Variants in LRFN5 observed in about 807,000 individuals in gnomAD.
LRFN5 encodes the protein leucine rich repeat and fibronectin type III domain containing 5, also known as leucine-rich repeat and fibronectin type-III domain-containing protein 5.
Under a neutral mutation model 45.6 loss-of-function variants are expected in LRFN5, and 24 were observed. The ratio of observed to expected loss-of-function variants is 0.53; its 90% confidence interval spans 0.38 to 0.74. The LOEUF (loss-of-function observed/expected upper bound fraction) is 0.74, where lower values mean the gene tolerates loss of function less well. LRFN5 is among the 30% of genes least tolerant of loss of function. The pLI is 0.00. For missense variants in LRFN5, 776 were observed against 861.5 expected (o/e 0.90, Z 1.24); for synonymous variants, 340 against 313.8 (o/e 1.08, Z -0.88).
At chr14:41,762,321 G>T (rs1594686039) in intron 1 of LRFN5, among the ~76,000 whole-genome samples, 1 of 152,000 alleles carries the variant, frequency 6.6e-6, no homozygotes, top group Non-Finnish European at 1.5e-5. Context: ...ATGATTAGTT[G>T]TTCTCGTTTA....
chr14:41,614,689 T>C (rs1377179852), intron 1 of LRFN5, among the ~76,000 whole-genome samples: 7 of 152,084 alleles, frequency 4.6e-5, no homozygotes, highest in Admixed American at 4.6e-4. Flanking sequence ...CACAGCCCTG[T>C]ATAACCTTGA....
intron 1 of LRFN5, among the ~76,000 whole-genome samples, chr14:41,640,591 T>G (rs943514662): frequency 7.2e-5 from 11 of 152,132 alleles, no homozygotes; most frequent in African/African-American, 2.4e-4. Context: ...TCATAAAAAA[T>G]TAAATGTCCT....
intron 1 of LRFN5, among the ~76,000 whole-genome samples, chr14:41,734,185 T>A (rs1055348081): frequency 2.8e-5 from 4 of 145,328 alleles, no homozygotes; most frequent in Non-Finnish European, 4.5e-5. Flanking sequence ...ACCAATTTTG[T>A]ATTTTTAGTA....
intron 1 of LRFN5, among the ~76,000 whole-genome samples, chr14:41,669,997 TAAA>T (rs911199235): frequency 6.7e-6 from 1 of 149,712 alleles, no homozygotes; most frequent in South Asian, 2.1e-4. Flanking sequence ...AAAATATAGT[TAAA>T]AAAATTTGCT....
chr14:41,667,358 T>C (rs1157296126), intron 1 of LRFN5, among the ~76,000 whole-genome samples: 1 of 152,144 alleles, frequency 6.6e-6, no homozygotes, highest in African/African-American at 2.4e-5. Flanking sequence ...GCAAGGAGGA[T>C]TTCTGATAAA....
chr14:41,657,521 T>C (rs1214215834), intron 1 of LRFN5, among the ~76,000 whole-genome samples: 2 of 151,950 alleles, frequency 1.3e-5, no homozygotes, highest in East Asian at 3.9e-4. Flanking sequence ...TTATTGCATT[T>C]GATAGGAAGC....
At chr14:41,789,484 T>A (rs1454247534) in intron 2 of LRFN5, among the ~76,000 whole-genome samples, 1 of 151,980 alleles carries the variant, frequency 6.6e-6, no homozygotes, top group Non-Finnish European at 1.5e-5. Flanking sequence ...TAAATGTCAG[T>A]CATTTTGAGG....
At chr14:41,639,526 T>G (rs1279072796) in intron 1 of LRFN5, among the ~76,000 whole-genome samples, 1 of 152,112 alleles carries the variant, frequency 6.6e-6, no homozygotes, top group Admixed American at 6.6e-5. Context: ...GTCCTTAGTT[T>G]GTTCATTTAT....
intron 1 of LRFN5, among the ~76,000 whole-genome samples, chr14:41,696,697 G>A (rs926697219): frequency 6.6e-6 from 1 of 151,868 alleles, no homozygotes; most frequent in African/African-American, 2.4e-5. Flanking sequence ...CAGTGTACAA[G>A]GAGTCCATTT....
chr14:41,689,073 C>A (rs1456032606), intron 1 of LRFN5, among the ~76,000 whole-genome samples: 3 of 151,628 alleles, frequency 2.0e-5, no homozygotes, highest in African/African-American at 7.3e-5. Context: ...GCAGTTTGGG[C>A]AACAGAGTGA....
intron 2 of LRFN5, among the ~76,000 whole-genome samples, chr14:41,831,327 A>G (rs1338231404): frequency 6.6e-6 from 1 of 152,220 alleles, no homozygotes; most frequent in Non-Finnish European, 1.5e-5. Context: ...GAATAGGAGA[A>G]TGAGTAAAGT....
At chr14:41,693,524 A>G (rs144965203) in intron 1 of LRFN5, among the ~76,000 whole-genome samples, 1,680 of 151,928 alleles carry the variant, frequency 0.011, 17 homozygotes, top group Non-Finnish European at 0.017. Flanking sequence ...GTGGTTTTGT[A>G]TATATTTTAT....
At chr14:41,784,326 A>G (rs1886640745) in intron 2 of LRFN5, among the ~76,000 whole-genome samples, 1 of 152,088 alleles carries the variant, frequency 6.6e-6, no homozygotes, top group Admixed American at 6.5e-5. Flanking sequence ...AATAGTGCCA[A>G]TCCTCCAACA....
intron 1 of LRFN5, among the ~76,000 whole-genome samples, chr14:41,640,332 G>A (rs1393013497): frequency 6.6e-6 from 1 of 152,182 alleles, no homozygotes; most frequent in South Asian, 2.1e-4. Context: ...GTGGGGATAA[G>A]TTATTGCTAG....
intron 3 of LRFN5, among the ~76,000 whole-genome samples, chr14:41,889,011 ATGTGTGTG>A (rs1555329984): frequency 1.0e-4 from 15 of 148,592 alleles, no homozygotes; most frequent in Non-Finnish European, 1.6e-4. Context: ...ACATATATAT[ATGTGTGTG>A]TATATATACA....
chr14:41,717,474 C>G (rs977645980), intron 1 of LRFN5, among the ~76,000 whole-genome samples: 1 of 152,154 alleles, frequency 6.6e-6, no homozygotes, highest in Admixed American at 6.6e-5. Context: ...AAGCACCAGC[C>G]TTAGAGTAAA....
At chr14:41,898,625 G>C (rs1364860167) in intron 4 of LRFN5, among the ~76,000 whole-genome samples, 1 of 151,900 alleles carries the variant, frequency 6.6e-6, no homozygotes, top group East Asian at 1.9e-4. Flanking sequence ...ATTGAACTCT[G>C]TCACGAATAC....
chr14:41,775,057 A>G (rs541021374), intron 2 of LRFN5, among the ~76,000 whole-genome samples: 8 of 151,148 alleles, frequency 5.3e-5, no homozygotes, highest in South Asian at 2.1e-4. Flanking sequence ...AGATTTGACA[A>G]TTGAGGTGAA....
At chr14:41,629,883 C>CT (rs1038384786) in intron 1 of LRFN5, among the ~76,000 whole-genome samples, 1 of 152,070 alleles carries the variant, frequency 6.6e-6, no homozygotes, top group African/African-American at 2.4e-5. Context: ...GAGAGCCTTA[C>CT]TTTTTTTTAT....
Sources: allele counts gnomAD v4.1 joint callset (sites outside exome capture counted in the v4.1 genomes callset), GRCh38; gene constraint gnomAD v4.1.1; transcripts MANE v1.5; gene names NCBI Gene and HGNC (gene_info 2026-07-23, HGNC 2026-07-21).